Variants in ATXN2 observed in about 807,000 individuals in gnomAD.
The protein encoded by ATXN2 is ataxin-2.
ATXN2 carries 37 observed loss-of-function variants against 138.6 expected under a neutral mutation model. That is an observed-to-expected ratio of 0.27 (90% CI 0.21 to 0.35). The LOEUF (loss-of-function observed/expected upper bound fraction) is 0.35. Among genes scored for constraint, ATXN2 ranks in the 10% least tolerant of loss-of-function variants. ATXN2 has a pLI of 1.00. For synonymous variants in ATXN2, 549 were observed against 543.7 expected (o/e 1.01, Z -0.13); for missense variants, 1,216 against 1,480.3 (o/e 0.82, Z 2.93).
At chr12:111,576,140 C>A (rs61941262) in intron 1 of ATXN2, among the ~76,000 whole-genome samples, 30,050 of 100,446 alleles carry the variant, frequency 0.3, 7,175 homozygotes, top group Non-Finnish European at 0.44. Context: ...CATAACATCA[C>A]ACCAAACCAA....
chr12:111,459,144 T>G (rs886658262), intron 21 of ATXN2, among the ~76,000 whole-genome samples: 1 of 152,174 alleles, frequency 6.6e-6, no homozygotes, highest in Non-Finnish European at 1.5e-5. Flanking sequence ...ACAAGAAAAC[T>G]GTGGCAACAT....
In ATXN2 at chr12:111,598,770, G is replaced by A. The variant is rs1011626783; in HGVS notation, c.251+14C>T. 4 of 1,293,930 alleles carry A rather than the reference G, an allele frequency of 3.1e-6. No homozygotes were observed. The highest frequency in any genetic ancestry group is 2.9e-6 in the Non-Finnish European group (3 of 1,024,250). 80.2% of individuals were successfully genotyped at this position (1,293,930 alleles called of 1,614,324 possible). On this transcript the variant is annotated intron_variant, in intron 1 of 24. Coordinates refer to ENST00000673436, the MANE Select transcript of ATXN2 (RefSeq NM_001372574.1). This position sits in a 1 kb window ranked among gnomAD's most constrained non-coding sequence, Gnocchi z 4.5. ...CGGGCCCGGAGCGGAGGGGGCTGGG[G>A]TGCCGACACCCACCTGCCCAGGCCG...
intron 1 of ATXN2, among the ~76,000 whole-genome samples, chr12:111,563,615 G>C (rs1427822455): frequency 6.6e-6 from 1 of 152,016 alleles, no homozygotes; most frequent in African/African-American, 2.4e-5. Context: ...AAAATGTTAA[G>C]GTGAATATGG....
intron 18 of ATXN2, among the ~76,000 whole-genome samples, chr12:111,479,417 GA>G (rs1289933642): frequency 4.1e-5 from 4 of 96,480 alleles, no homozygotes; most frequent in Admixed American, 2.2e-4. Context: ...AAAAAAAAAA[GA>G]GAGAGAGACA....
intron 14 of ATXN2, among the ~76,000 whole-genome samples, chr12:111,503,786 C>T (rs1392932580): frequency 1.3e-5 from 2 of 151,806 alleles, no homozygotes; most frequent in African/African-American, 2.4e-5. Context: ...GATAGGGTTT[C>T]GCCATGTTAT....
At chr12:111,568,940 T>C (rs1376922934) in intron 1 of ATXN2, among the ~76,000 whole-genome samples, 1 of 152,184 alleles carries the variant, frequency 6.6e-6, no homozygotes, top group Non-Finnish European at 1.5e-5. Context: ...TCAAATGAGG[T>C]GGCAAGAGGG....
intron 5 of ATXN2, among the ~76,000 whole-genome samples, chr12:111,532,851 A>AG (rs1383076017): frequency 7.6e-6 from 1 of 131,876 alleles, no homozygotes; most frequent in African/African-American, 3.2e-5. Context: ...AATAGGTTTA[A>AG]GGAAAAAAAA....
rs746447811 is a variant in ATXN2 at position 111,456,233 on chromosome 12, C to G, written c.3066G>C (p.Gln1022His). The change falls in exon 23 of 25, where the codon CAG becomes CAC. Residue 1022 changes from glutamine to histidine, a missense_variant. This residue lies in a region of ATXN2 where 490 missense variants were observed against 653.5 expected (regional missense o/e 0.75). Transcript: ENST00000673436. ...GCTGTGGACTGGCCAGATGGAGAGC[C>G]TGGGCGGCCTGGTGCTGATGGTGCT... ...PVQHHQHQAA[Q>H]ALHLASPQQQ... 6.2e-7 allele frequency: 1 copy of G among 1,614,234 alleles called. No homozygotes were observed. Among genetic ancestry groups the G allele is most frequent in the South Asian group, 1.1e-5 (1 of 91,088 alleles).
intron 1 of ATXN2, among the ~76,000 whole-genome samples, chr12:111,595,708 C>T (rs1461559999): frequency 3.4e-5 from 5 of 147,682 alleles, no homozygotes; most frequent in Non-Finnish European, 7.5e-5. Context: ...TACAAAATAA[C>T]ATACACAATC....
At chr12:111,464,437 G>A (rs1875850354) in intron 21 of ATXN2, among the ~76,000 whole-genome samples, 1 of 146,932 alleles carries the variant, frequency 6.8e-6, no homozygotes, top group Admixed American at 6.6e-5. Context: ...CATTTGCTTG[G>A]TATGCAAAAA....
intron 22 of ATXN2, among the ~76,000 whole-genome samples, chr12:111,456,692 G>C (rs1875127180): frequency 1.3e-5 from 2 of 152,160 alleles, no homozygotes; most frequent in South Asian, 4.1e-4. Flanking sequence ...ATTACTGCAA[G>C]TTTCCAGAGC....
At chr12:111,485,041 T>C in intron 18 of ATXN2, 1 of 414,308 alleles carries the variant, frequency 2.4e-6, no homozygotes, top group Non-Finnish European at 4.4e-6. Flanking sequence ...AATTACTCTT[T>C]TTGAAGAGGA....
At chr12:111,576,495 T>G (rs1291923169) in intron 1 of ATXN2, among the ~76,000 whole-genome samples, 1 of 151,992 alleles carries the variant, frequency 6.6e-6, no homozygotes, top group Non-Finnish European at 1.5e-5. Flanking sequence ...ATTATTATTA[T>G]TATTTTGAGA....
At chr12:111,536,064 G>A (rs1361091364) in intron 5 of ATXN2, among the ~76,000 whole-genome samples, 3 of 152,028 alleles carry the variant, frequency 2.0e-5, no homozygotes, top group African/African-American at 7.2e-5. Flanking sequence ...AGTTCCACTG[G>A]GAAGGGCCCT....
intron 15 of ATXN2, 73 bp from the exon 16 acceptor site, chr12:111,486,897 T>C: frequency 7.7e-7 from 1 of 1,290,930 alleles, no homozygotes; most frequent in African/African-American, 1.5e-5. Context: ...TACCTGACAA[T>C]TTAAAAAAAA....
Position 111,453,207 on chromosome 12 carries a change from G to A in ATXN2, c.3440-367C>T. On this transcript the variant is annotated intron_variant, in intron 24 of 24. Coordinates refer to ENST00000673436, the MANE Select transcript of ATXN2 (RefSeq NM_001372574.1). This position sits in a 1 kb window ranked among gnomAD's most constrained non-coding sequence, Gnocchi z 5.4. ...ATCAAGTAGTAGAGCACAATCACAG[G>A]GCGCTCTCCCCTGTTCAGGGGCTGG... The A allele has an allele frequency of 1.8e-6, 2 of 1,093,378 alleles. No individual in the cohort carries two copies. Among genetic ancestry groups the A allele is most frequent in the South Asian group, 3.6e-5 (1 of 27,988 alleles). The allele number at this position is 1,093,378 out of a possible 1,614,324, so 67.7% of individuals were successfully genotyped here.
At chr12:111,535,116 AC>A (rs1348458770) in intron 5 of ATXN2, among the ~76,000 whole-genome samples, 1 of 151,352 alleles carries the variant, frequency 6.6e-6, no homozygotes, top group Non-Finnish European at 1.5e-5. Context: ...ACAGAGAGAG[AC>A]CCTTTCTCAA....
At chr12:111,549,375 C>CA (rs1002089361) in intron 5 of ATXN2, among the ~76,000 whole-genome samples, 89 of 143,970 alleles carry the variant, frequency 6.2e-4, no homozygotes, top group South Asian at 8.8e-4. Context: ...AGAATACAAA[C>CA]AAAAAAAAAA....
At chr12:111,484,892 A>G (rs1019542574) in intron 18 of ATXN2, among the ~76,000 whole-genome samples, 1 of 152,072 alleles carries the variant, frequency 6.6e-6, no homozygotes, top group African/African-American at 2.4e-5. Context: ...CACCATGCCC[A>G]GCTAATTTTT....
Sources: gnomAD v4.1 joint callset for allele counts (sites outside exome capture counted in the v4.1 genomes callset) on GRCh38, gnomAD v4.1.1 for gene constraint, gnomAD v4.1.1 regional missense constraint, Gnocchi (gnomAD v3.1) non-coding constraint, MANE v1.5 for transcripts, NCBI Gene and HGNC (gene_info 2026-07-23, HGNC 2026-07-21) for gene names.